The following RNF168 variants were observed in gnomAD, a reference collection of about 807,000 sequenced individuals.
The protein encoded by RNF168 is ring finger protein 168, also known as E3 ubiquitin-protein ligase RNF168.
In RNF168, 34 loss-of-function variants were observed where a neutral mutation model predicts 34.9. The observed-to-expected ratio is 0.97, with a 90% CI of 0.74 to 1.30. The LOEUF (loss-of-function observed/expected upper bound fraction) is 1.30. Ranked by LOEUF, RNF168 falls within the 50% of genes most tolerant of loss-of-function variation. The pLI is 0.00. For synonymous variants in RNF168, 264 were observed against 254.7 expected, an observed-to-expected ratio of 1.04 and a Z score of -0.35; for missense variants, 725 against 682.5, an observed-to-expected ratio of 1.06 and a Z score of -0.69.
chr3:196,485,832 T>C (rs1483160682), intron 3 of RNF168, among the ~76,000 whole-genome samples: 1 of 152,212 alleles, frequency 6.6e-6, no homozygotes, highest in Non-Finnish European at 1.5e-5. Flanking sequence ...AAGTGTATGT[T>C]AAGATATTCG....
chr3:196,481,559 G>A (rs1314799657), intron 4 of RNF168, among the ~76,000 whole-genome samples: 1 of 151,572 alleles, frequency 6.6e-6, no homozygotes, highest in Non-Finnish European at 1.5e-5. Context: ...ACTTCATTAA[G>A]AATTATCATC....
chr3:196,493,729 T>C (rs779545828), intron 1 of RNF168, among the ~76,000 whole-genome samples: 17 of 152,098 alleles, frequency 1.1e-4, no homozygotes, highest in African/African-American at 1.7e-4. Flanking sequence ...GGTTTTACCA[T>C]GTTGGCCAGG....
chr3:196,502,266 G>C (rs764690663), intron 1 of RNF168, among the ~76,000 whole-genome samples: 2 of 151,992 alleles, frequency 1.3e-5, no homozygotes, highest in Non-Finnish European at 2.9e-5. Flanking sequence ...GGAGAATCAA[G>C]AATTAAATGA....
At chr3:196,475,975 T>G (rs1364954988) in intron 4 of RNF168, among the ~76,000 whole-genome samples, 1 of 151,976 alleles carries the variant, frequency 6.6e-6, no homozygotes, top group Non-Finnish European at 1.5e-5. Flanking sequence ...TTTTTCTGCC[T>G]TAGCCTCCTG....
At chr3:196,496,408 T>C (rs1732743909) in intron 1 of RNF168, among the ~76,000 whole-genome samples, 1 of 152,162 alleles carries the variant, frequency 6.6e-6, no homozygotes, top group Non-Finnish European at 1.5e-5. Context: ...CAGCCTCACG[T>C]GGTACTCTGT....
intron 3 of RNF168, among the ~76,000 whole-genome samples, chr3:196,485,519 T>C (rs1329772473): frequency 7.2e-5 from 11 of 151,974 alleles, no homozygotes; most frequent in Admixed American, 7.2e-4. Context: ...AAAATTATTC[T>C]ACAGTATCAA....
chr3:196,493,187 C>A (rs2108652615), intron 1 of RNF168, among the ~76,000 whole-genome samples: 1 of 152,270 alleles, frequency 6.6e-6, no homozygotes, highest in Non-Finnish European at 1.5e-5. Flanking sequence ...AAAGGAAAGG[C>A]ACGTGCGATT....
rs563739274 is a variant in RNF168 at position 196,500,378 on chromosome 3, C to T, written c.301+2495G>A. Among the ~76,000 whole-genome samples, 3 of 152,212 alleles carry T rather than the reference C, an allele frequency of 2.0e-5. No individual in the cohort carries two copies. The East Asian group carries it at 5.8e-4, about 29-fold the overall frequency. On this transcript the variant is annotated intron_variant, in intron 1 of 5. Transcript: ENST00000318037. ...GTATGGATGAACCTGGAAAACATTACGCTAGGTAAAACAGGCCAGACACAA... is the reference window on the plus strand; with the variant it reads ...GTATGGATGAACCTGGAAAACATTATGCTAGGTAAAACAGGCCAGACACAA...
chr3:196,475,135 T>A (rs561018525), intron 5 of RNF168, 96 bp downstream of exon 5: 5 of 767,294 alleles, frequency 6.5e-6, no homozygotes, highest in African/African-American at 1.7e-5. Context: ...TGATTAACTA[T>A]AGGGGCTTTT....
chr3:196,479,137 C>A (rs1459640543), intron 4 of RNF168, among the ~76,000 whole-genome samples: 1 of 151,840 alleles, frequency 6.6e-6, no homozygotes, highest in African/African-American at 2.4e-5. Context: ...CTCAGCCTCC[C>A]GAGTAGCTGG....
Position 196,502,006 on chromosome 3 carries a change from G to GT in RNF168, c.301+866dup, listed in dbSNP as rs1322470640. Among the ~76,000 whole-genome samples, 3 of 112,072 alleles carry GT rather than the reference G, an allele frequency of 2.7e-5. No individual in the cohort carries two copies. The East Asian group carries it at 9.1e-4, about 34-fold the overall frequency. The allele number at this position is 112,072 out of a possible 152,430, so 73.5% of individuals were successfully genotyped here. The stretch of plus-strand genomic sequence containing the variant: ...GGCATTTTTTTACAATAAAATAAAC[G>GT]TATGTTTAAAAGGCAGGTACACATA... On this transcript the variant is annotated intron_variant, in intron 1 of 5. Coordinates refer to ENST00000318037, the MANE Select transcript of RNF168 (RefSeq NM_152617.4).
chr3:196,488,173 A>G (rs1732501447), intron 2 of RNF168, among the ~76,000 whole-genome samples: 1 of 152,172 alleles, frequency 6.6e-6, no homozygotes, highest in Non-Finnish European at 1.5e-5. Context: ...AAGCCCTTAT[A>G]AAGTACATTA....
rs1731945534 is a variant in RNF168 at position 196,469,316 on chromosome 3, T to A, written c.*2503A>T. The A allele has an allele frequency of 6.6e-6, 1 of 152,206 alleles. No homozygotes were observed. The highest frequency in any genetic ancestry group is 1.5e-5 in the Non-Finnish European group (1 of 68,034). The allele number at this position is 152,206 out of a possible 1,614,324, so 9.4% of individuals were successfully genotyped here. ...AGTATAGTTGCAAGCTATACTTCAT[T>A]TAACTACAATCATTACTCAGAGGAC... is the stretch of plus-strand genomic sequence containing the variant. On this transcript the variant is annotated 3_prime_UTR_variant, in exon 6 of 6. Coordinates refer to ENST00000318037, the MANE Select transcript of RNF168 (RefSeq NM_152617.4).
At chr3:196,489,004 G>T (rs949242127) in intron 1 of RNF168, among the ~76,000 whole-genome samples, 2 of 151,884 alleles carry the variant, frequency 1.3e-5, no homozygotes, top group African/African-American at 2.4e-5. Context: ...ACAGGCATGC[G>T]CCACCACACC....
In RNF168 at chr3:196,469,976, C is replaced by T. The variant is rs1371507895; in HGVS notation, c.*1843G>A. 6.6e-6 allele frequency: 1 copy of T among 152,240 alleles called. No homozygotes were observed. Among genetic ancestry groups the T allele is most frequent in the East Asian group, 1.9e-4 (1 of 5,204 alleles). The allele number at this position is 152,240 out of a possible 1,614,324, so 9.4% of individuals were successfully genotyped here. ...GAAAAGCTGTAAAACCCAAATGTTT[C>T]CTGTGTTCTTTCACAAGGACAAGGG... On this transcript the variant is annotated 3_prime_UTR_variant, in exon 6 of 6. Coordinates refer to ENST00000318037, the MANE Select transcript of RNF168 (RefSeq NM_152617.4).
intron 1 of RNF168, among the ~76,000 whole-genome samples, chr3:196,493,713 G>C (rs1490866805): frequency 1.3e-5 from 2 of 151,992 alleles, no homozygotes; most frequent in Non-Finnish European, 2.9e-5. Context: ...TTTTAGTAGA[G>C]ACGGGGGTTT....
Position 196,472,393 on chromosome 3 carries a change from A to T in RNF168, c.1142T>A (p.Ile381Asn), listed in dbSNP as rs971906653. Reference protein sequence around the residue: ...ETENEESCLLISKEISKRKNQ... With the variant: ...ETENEESCLLNSKEISKRKNQ... ...TTTTCTTTTGGAAATCTCCTTACTG[A>T]TCAGTAGGCACGACTCTTCATTTTC... The change falls in exon 6 of 6, where the codon ATC becomes AAC. Residue 381 changes from isoleucine (I) to asparagine (N), a missense_variant. Ile to Asn is a moderately radical substitution (Grantham distance 149). Transcript: ENST00000318037. The T allele has an allele frequency of 1.9e-6, 3 of 1,613,930 alleles. No homozygotes were observed. Among genetic ancestry groups the T allele is most frequent in the Non-Finnish European group, 2.5e-6 (3 of 1,179,988 alleles).
At chr3:196,496,333 G>A (rs1421640954) in intron 1 of RNF168, among the ~76,000 whole-genome samples, 1 of 151,870 alleles carries the variant, frequency 6.6e-6, no homozygotes, top group African/African-American at 2.4e-5. Flanking sequence ...CCTCTTCCTT[G>A]CTTCTGACAG....
intron 1 of RNF168, among the ~76,000 whole-genome samples, chr3:196,500,342 T>C (rs878871543): frequency 3.3e-5 from 5 of 152,226 alleles, no homozygotes; most frequent in Admixed American, 1.3e-4. Context: ...AAGGGAATGC[T>C]GTCACATGCA....
Sources: gnomAD v4.1 joint callset for allele counts (sites outside exome capture counted in the v4.1 genomes callset) on GRCh38, gnomAD v4.1.1 for gene constraint, MANE v1.5 for transcripts, NCBI Gene and HGNC (gene_info 2026-07-23, HGNC 2026-07-21) for gene names.